SH3PXD2A: variants seen among roughly 807,000 people sequenced by gnomAD.
SH3PXD2A encodes the protein SH3 and PX domains 2A, also known as SH3 and PX domain-containing protein 2A.
SH3PXD2A carries 32 observed loss-of-function variants against 115.2 expected under a neutral mutation model. The observed-to-expected ratio is 0.28, with a 90% confidence interval of 0.21 to 0.37. The LOEUF (loss-of-function observed/expected upper bound fraction) is 0.37, where lower values mean the gene tolerates loss of function less well. SH3PXD2A is among the 10% of genes least tolerant of loss of function. The probability of loss-of-function intolerance (pLI) is 1.00; values close to 1 mark genes in which losing one functional copy is unlikely to be tolerated. For missense variants in SH3PXD2A, 1,328 were observed against 1,498.7 expected (o/e 0.89, Z 1.88); for synonymous variants, 610 against 629.1 (o/e 0.97, Z 0.45).
At chr10:103,792,173 T>G (rs1297844943) in intron 2 of SH3PXD2A, among the ~76,000 whole-genome samples, 1 of 152,244 alleles carries the variant, frequency 6.6e-6, no homozygotes, top group Non-Finnish European at 1.5e-5. Context: ...CAAAGATGCC[T>G]CTTTCCAGGA....
At chr10:103,802,596 G>A (rs1354375702) in intron 1 of SH3PXD2A, among the ~76,000 whole-genome samples, 1 of 152,208 alleles carries the variant, frequency 6.6e-6, no homozygotes, top group African/African-American at 2.4e-5. Flanking sequence ...TGAGTTAGAG[G>A]AATGGGTGCC....
In SH3PXD2A at chr10:103,596,138, A is replaced by C. The variant is rs2036128326; in HGVS notation, c.*5678T>G. On this transcript the variant is annotated 3_prime_UTR_variant, in exon 15 of 15. Transcript: ENST00000369774. ...GGTCTTGTTGGGTGCACCGTGAGCA[A>C]GTTCTCACCCCAACCACCTGACCCA... 6.6e-6 allele frequency: 1 copy of C among 152,168 alleles called. No individual in the cohort carries two copies. The highest frequency in any genetic ancestry group is 1.5e-5 in the Non-Finnish European group (1 of 68,024). 9.4% of individuals were successfully genotyped at this position (152,168 alleles called of 1,614,324 possible). A position where few individuals can be genotyped will look rare whatever the true frequency, so the allele number is the denominator to read the frequency against.
In SH3PXD2A at chr10:103,808,162, C is replaced by T. The variant is rs138366134; in HGVS notation, c.73-6800G>A. 5.1e-3 allele frequency among the ~76,000 whole-genome samples: 771 copies of T among 152,270 alleles called. 2 individuals are homozygous for T. The highest frequency in any genetic ancestry group is 0.015 in the African/African-American group (611 of 41,542). On this transcript the variant is annotated intron_variant, in intron 1 of 14. Transcript: ENST00000369774. ...TCCCCATGAGAGTGCCTACATCAAA[C>T]GCCGGCCCAGAGCCCCATCTCCTCC...
At chr10:103,765,951 C>T (rs1416096638) in intron 3 of SH3PXD2A, among the ~76,000 whole-genome samples, 1 of 152,246 alleles carries the variant, frequency 6.6e-6, no homozygotes, top group Non-Finnish European at 1.5e-5. Context: ...TAGTTCCAGT[C>T]TTGCCCAAAC....
At chr10:103,840,653 C>T (rs893294726) in intron 1 of SH3PXD2A, among the ~76,000 whole-genome samples, 2 of 152,242 alleles carry the variant, frequency 1.3e-5, no homozygotes, top group Non-Finnish European at 2.9e-5. Context: ...TGGCTCTGAA[C>T]CCGGCTCTGC....
intron 6 of SH3PXD2A, among the ~76,000 whole-genome samples, chr10:103,692,264 TC>T (rs2037761904): frequency 6.6e-6 from 1 of 152,084 alleles, no homozygotes; most frequent in African/African-American, 2.4e-5. Flanking sequence ...GCCTCCCACT[TC>T]CAGAGACAAT....
chr10:103,638,530 C>G (rs780256525), intron 8 of SH3PXD2A, among the ~76,000 whole-genome samples: 3 of 152,232 alleles, frequency 2.0e-5, no homozygotes, highest in Non-Finnish European at 4.4e-5. Flanking sequence ...TGACAGGTAG[C>G]GGAGAATGGT....
chr10:103,681,559 C>T (rs2037607876), intron 6 of SH3PXD2A, among the ~76,000 whole-genome samples: 1 of 152,238 alleles, frequency 6.6e-6, no homozygotes, highest in South Asian at 2.1e-4. Context: ...GCCTGGCCAA[C>T]ATGGTGTAAC....
At chr10:103,845,078 C>T (rs1842829696) in intron 1 of SH3PXD2A, among the ~76,000 whole-genome samples, 1 of 151,988 alleles carries the variant, frequency 6.6e-6, no homozygotes, top group African/African-American at 2.4e-5. Flanking sequence ...AATCCCAGAA[C>T]TTTGGGAGGC....
At chr10:103,852,452 G>A (rs377009679) in intron 1 of SH3PXD2A, among the ~76,000 whole-genome samples, 66 of 152,298 alleles carry the variant, frequency 4.3e-4, no homozygotes, top group African/African-American at 1.4e-3. Context: ...TGGCTAACAC[G>A]CACATCCCGT....
chr10:103,616,249 G>T (rs1471113486), intron 11 of SH3PXD2A, among the ~76,000 whole-genome samples: 1 of 152,176 alleles, frequency 6.6e-6, no homozygotes, highest in East Asian at 1.9e-4. Flanking sequence ...CTCTGTCGGA[G>T]ACCACCTAGA....
intron 4 of SH3PXD2A, among the ~76,000 whole-genome samples, chr10:103,732,627 C>A (rs576390434): frequency 1.3e-5 from 2 of 152,344 alleles, no homozygotes; most frequent in African/African-American, 4.8e-5. Context: ...TGTCTGAGTC[C>A]TTGCAGGGAG....
intron 5 of SH3PXD2A, among the ~76,000 whole-genome samples, chr10:103,708,322 C>T (rs1445840013): frequency 6.6e-6 from 1 of 152,218 alleles, no homozygotes; most frequent in African/African-American, 2.4e-5. Flanking sequence ...ACTTCCTGAC[C>T]TTCCCTGCGG....
chr10:103,660,170 C>T (rs991491327), intron 8 of SH3PXD2A, among the ~76,000 whole-genome samples: 5 of 152,288 alleles, frequency 3.3e-5, no homozygotes, highest in African/African-American at 1.2e-4. Context: ...GAAACCCATG[C>T]AAGCCCTGGG....
intron 2 of SH3PXD2A, among the ~76,000 whole-genome samples, chr10:103,786,544 G>C (rs752362733): frequency 6.6e-6 from 1 of 152,104 alleles, no homozygotes; most frequent in Non-Finnish European, 1.5e-5. Context: ...GTGCACACTT[G>C]TACTCCCAGC....
intron 8 of SH3PXD2A, among the ~76,000 whole-genome samples, chr10:103,644,235 C>G: frequency 6.6e-6 from 1 of 151,766 alleles, no homozygotes; most frequent in Admixed American, 6.6e-5. Flanking sequence ...AAGCCACCTG[C>G]CCTACTTACC....
At chr10:103,611,264 T>C (rs2281585) in intron 13 of SH3PXD2A, among the ~76,000 whole-genome samples, 101,603 of 152,244 alleles carry the variant, frequency 0.67, 35,486 homozygotes, top group African/African-American at 0.86. Context: ...ATTTCCAGCC[T>C]CTGGCAATGC....
intron 1 of SH3PXD2A, among the ~76,000 whole-genome samples, chr10:103,851,364 G>T (rs1013265389): frequency 1.3e-5 from 2 of 152,030 alleles, no homozygotes; most frequent in African/African-American, 4.8e-5. Flanking sequence ...ACAGTGACCC[G>T]CCTGCGTTGC....
At chr10:103,667,686 C>T (rs1164863914) in intron 7 of SH3PXD2A, among the ~76,000 whole-genome samples, 2 of 152,180 alleles carry the variant, frequency 1.3e-5, no homozygotes, top group African/African-American at 4.8e-5. Flanking sequence ...AGCCCCACCA[C>T]CCCACTCAGC....
Sources: gnomAD v4.1 joint callset for allele counts (sites outside exome capture counted in the v4.1 genomes callset) on GRCh38, gnomAD v4.1.1 for gene constraint, MANE v1.5 for transcripts, NCBI Gene and HGNC (gene_info 2026-07-23, HGNC 2026-07-21) for gene names.